Variants in TNS3 observed in about 807,000 individuals in gnomAD.
TNS3 encodes tensin-3.
TNS3 carries 45 observed loss-of-function variants against 140.9 expected under a neutral mutation model. That is an observed-to-expected ratio of 0.32 (90% confidence interval 0.25 to 0.41). The LOEUF is 0.41. Among genes scored for constraint, TNS3 ranks in the 10% least tolerant of loss-of-function variants. The pLI is 1.00. For synonymous variants in TNS3, 815 were observed against 788.4 expected, an observed-to-expected ratio of 1.03 and a Z score of -0.56; for missense variants, 1,716 against 1,906.7, an observed-to-expected ratio of 0.90 and a Z score of 1.86.
chr7:47,331,527 C>T (rs550876422), intron 20 of TNS3, among the ~76,000 whole-genome samples: 2 of 152,310 alleles, frequency 1.3e-5, no homozygotes, highest in South Asian at 4.2e-4. Context: ...CAGTGAGCTG[C>T]TCACACCATC....
At chr7:47,345,868 C>T (rs1007644338) in intron 18 of TNS3, among the ~76,000 whole-genome samples, 4 of 152,260 alleles carry the variant, frequency 2.6e-5, no homozygotes, top group Non-Finnish European at 5.9e-5. Flanking sequence ...CACCCACATG[C>T]TGTGCTCCTT....
intron 1 of TNS3, among the ~76,000 whole-genome samples, chr7:47,581,191 C>G (rs962937391): frequency 6.6e-6 from 1 of 152,092 alleles, no homozygotes; most frequent in Non-Finnish European, 1.5e-5. Flanking sequence ...ACATGTCAGG[C>G]CGCTGCACAG....
chr7:47,369,062 G>A lies in TNS3; in HGVS notation c.1584C>T (p.Asn528=), dbSNP rs770876695. Residue 528 remains asparagine (N), a synonymous_variant, in exon 17 of 31, where the codon AAC becomes AAT. Transcript: ENST00000311160. ...NSLLSDGFGS[N]VGEDPQGTLV... ...GGGTGCCCTGCGGATCTTCACCAAC[G>A]TTGCTGCCAAAACCGTCAGATAGGA... The A allele has an allele frequency of 2.2e-5, 36 of 1,613,986 alleles. No individual in the cohort carries two copies. Among genetic ancestry groups the A allele is most frequent in the South Asian group, 6.6e-5 (6 of 91,092 alleles).
intron 1 of TNS3, among the ~76,000 whole-genome samples, chr7:47,563,773 T>G (rs956860498): frequency 1.1e-4 from 16 of 152,206 alleles, no homozygotes; most frequent in Non-Finnish European, 2.2e-4. Context: ...CAGACCACAG[T>G]CACAGTCACA....
rs781604732 is a variant in TNS3, at chr7:47,293,806, G to A, written c.3699C>T (p.Leu1233=). The A allele has an allele frequency of 2.4e-5, 38 of 1,614,040 alleles. No individual in the cohort carries two copies. Among genetic ancestry groups the A allele is most frequent in the Admixed American group, 5.0e-5 (3 of 60,002 alleles). The part of the protein sequence containing the change: ...NKKAGDLANE[L]VRHFLIECTP... ...TACACTCGATCAAAAAGTGCCGGAC[G>A]AGTTCATTGGCCAAATCTCCAGCTG... The change falls in exon 25 of 31, where the codon CTC becomes CTT. Residue 1233 remains leucine, a synonymous_variant. Transcript: ENST00000311160.
intron 20 of TNS3, among the ~76,000 whole-genome samples, chr7:47,338,518 ATTT>A (rs201919732): frequency 6.6e-6 from 1 of 151,882 alleles, no homozygotes; most frequent in African/African-American, 2.4e-5. Flanking sequence ...CCATTTTCTA[ATTT>A]TTTTTCCTAC....
At chr7:47,500,277 G>C (rs1379754095) in intron 3 of TNS3, among the ~76,000 whole-genome samples, 2 of 152,190 alleles carry the variant, frequency 1.3e-5, no homozygotes, top group Non-Finnish European at 2.9e-5. Context: ...GAACTGGCTG[G>C]CTTAAAAATT....
chr7:47,494,748 G>C (rs2151839549), intron 3 of TNS3, among the ~76,000 whole-genome samples: 1 of 152,328 alleles, frequency 6.6e-6, no homozygotes, highest in Non-Finnish European at 1.5e-5. Context: ...CTGCTCCCGG[G>C]AGGCGGAGAG....
intron 4 of TNS3, among the ~76,000 whole-genome samples, chr7:47,480,675 A>ACC (rs916138566): frequency 3.3e-5 from 5 of 152,090 alleles, no homozygotes; most frequent in East Asian, 1.9e-4. Context: ...ACACACACAC[A>ACC]CCCAGTATTT....
chr7:47,345,586 T>C (rs1046038971), intron 18 of TNS3, among the ~76,000 whole-genome samples: 1 of 152,354 alleles, frequency 6.6e-6, no homozygotes, highest in Admixed American at 6.5e-5. Flanking sequence ...CACCCAAGTC[T>C]AAAATAATTA....
chr7:47,400,461 GA>G lies in TNS3; in HGVS notation c.854-4del, dbSNP rs567060539. 2 of 1,613,536 alleles carry G rather than the reference GA, an allele frequency of 1.2e-6. No homozygotes were observed. Among genetic ancestry groups the G allele is most frequent in the South Asian group, 2.2e-5 (2 of 91,002 alleles). ...CCCATAGTCAGGAAAACGGTCATCT[GA>G]AAAAAACAATGTATTTTAACACATT... On this transcript the variant is annotated splice_region_variant and splice_polypyrimidine_tract_variant and intron_variant, in intron 14 of 30. Transcript: ENST00000311160.
chr7:47,324,944 A>G (rs1787948039), intron 20 of TNS3, among the ~76,000 whole-genome samples: 1 of 152,104 alleles, frequency 6.6e-6, no homozygotes, highest in Non-Finnish European at 1.5e-5. Flanking sequence ...CAAGTGCAGC[A>G]TGAGCTACAA....
chr7:47,486,044 G>A (rs941135222), intron 3 of TNS3, among the ~76,000 whole-genome samples: 2 of 151,812 alleles, frequency 1.3e-5, no homozygotes, highest in African/African-American at 4.8e-5. Flanking sequence ...GTGCAGGTGT[G>A]TGAGTGTGGG....
intron 2 of TNS3, among the ~76,000 whole-genome samples, chr7:47,521,337 G>C (rs983080449): frequency 6.6e-6 from 1 of 152,170 alleles, no homozygotes; most frequent in African/African-American, 2.4e-5. Context: ...CGAAGCCTTG[G>C]TCACCGTGGG....
chr7:47,570,812 AT>A (rs963411286), intron 1 of TNS3, among the ~76,000 whole-genome samples: 74 of 150,438 alleles, frequency 4.9e-4, no homozygotes, highest in African/African-American at 1.4e-3. Flanking sequence ...AGCTCTTATC[AT>A]TTTTTTTCTT....
At chr7:47,299,239 G>T (rs1045175726) in intron 23 of TNS3, among the ~76,000 whole-genome samples, 5 of 152,198 alleles carry the variant, frequency 3.3e-5, no homozygotes, top group African/African-American at 1.2e-4. Context: ...CTGGGCCCAA[G>T]TGATCCTCCC....
At chr7:47,320,248 C>T (rs1312313535) in intron 20 of TNS3, among the ~76,000 whole-genome samples, 3 of 152,178 alleles carry the variant, frequency 2.0e-5, no homozygotes, top group Non-Finnish European at 2.9e-5. Context: ...AGCACTTCCC[C>T]TCACCTGCAC....
intron 24 of TNS3, among the ~76,000 whole-genome samples, chr7:47,296,486 A>G (rs928205195): frequency 2.0e-5 from 3 of 152,198 alleles, no homozygotes; most frequent in Non-Finnish European, 4.4e-5. Context: ...AAATCCTTCT[A>G]TTACAGGTTG....
intron 4 of TNS3, among the ~76,000 whole-genome samples, chr7:47,471,773 C>G (rs988399856): frequency 6.6e-6 from 1 of 152,216 alleles, no homozygotes; most frequent in African/African-American, 2.4e-5. Context: ...ACCAGCTCCT[C>G]GCGGCCCATG....
Sources: gnomAD v4.1 joint callset for allele counts (sites outside exome capture counted in the v4.1 genomes callset) on GRCh38, gnomAD v4.1.1 for gene constraint, MANE v1.5 for transcripts, NCBI Gene and HGNC (gene_info 2026-07-23, HGNC 2026-07-21) for gene names.